The following PADI2 variants were observed in gnomAD, a reference collection of about 807,000 sequenced individuals.
PADI2 encodes peptidyl arginine deiminase 2.
In PADI2, 70 loss-of-function variants were observed where a neutral mutation model predicts 81.1. The observed-to-expected ratio is 0.86, with a 90% confidence interval of 0.71 to 1.05. The LOEUF (loss-of-function observed/expected upper bound fraction) is 1.05, where lower values mean the gene tolerates loss of function less well. PADI2 is among the 50% of genes least tolerant of loss of function. The probability of loss-of-function intolerance (pLI) is 0.00; values close to 1 mark genes in which losing one functional copy is unlikely to be tolerated. For synonymous variants in PADI2, 338 were observed against 358.0 expected, an observed-to-expected ratio of 0.94 and a Z score of 0.63; for missense variants, 853 against 889.9, an observed-to-expected ratio of 0.96 and a Z score of 0.53.
At chr1:17,104,750 T>A in intron 2 of PADI2, 128 bp downstream of exon 2, 2 of 800,016 alleles carry the variant, frequency 2.5e-6, no homozygotes, top group Non-Finnish European at 3.6e-6. Context: ...GCCTTTTCAA[T>A]GTGGTTACTG....
intron 1 of PADI2, among the ~76,000 whole-genome samples, chr1:17,111,368 T>TAC (rs1931574527): frequency 6.6e-6 from 1 of 152,154 alleles, no homozygotes; most frequent in Non-Finnish European, 1.5e-5. Context: ...GTGCTGGGAT[T>TAC]ACAGGTGTGA....
At chr1:17,098,011 C>A (rs535052916) in intron 3 of PADI2, among the ~76,000 whole-genome samples, 1 of 152,144 alleles carries the variant, frequency 6.6e-6, no homozygotes, top group Non-Finnish European at 1.5e-5. Context: ...TGTGTTCTCT[C>A]GGCCACTCCA....
At position 17,093,650 on chromosome 1, in the gene PADI2, GC is replaced by G. The variant is rs757678557; in HGVS notation, c.445del (p.Ala149ProfsTer5). ...SWTWGPEGQG[A>X]ILLVNCDRET... is the part of the protein sequence containing the mutation. ...TCGGTCACAGTTCACCAGCAGGATG[GC>G]CCCCTGGCCCTCGGGGCCCCAGGTC... On this transcript the variant is annotated frameshift_variant, in exon 5 of 16. Coordinates refer to ENST00000375486, the MANE Select transcript of PADI2 (RefSeq NM_007365.3). LOFTEE classifies it high-confidence loss of function. 9 of 1,613,702 alleles carry G rather than the reference GC, an allele frequency of 5.6e-6. No homozygotes were observed. The South Asian group carries it at 8.8e-5, about 16-fold the overall frequency.
intron 3 of PADI2, among the ~76,000 whole-genome samples, chr1:17,101,617 C>A (rs916511072): frequency 2.0e-5 from 3 of 152,148 alleles, no homozygotes; most frequent in Non-Finnish European, 2.9e-5. Context: ...GGACCAGCAA[C>A]CAAGCCCATT....
chr1:17,074,723 C>G, intron 13 of PADI2, 133 bp downstream of exon 13: 1 of 597,040 alleles, frequency 1.7e-6, no homozygotes, highest in South Asian at 2.0e-5. Context: ...CTCACAAACC[C>G]CCGATCGGGC....
At position 17,093,554 on chromosome 1, in the gene PADI2, G is replaced by T; in HGVS notation, c.529+13C>A. On this transcript the variant is annotated intron_variant, in intron 5 of 15. Transcript: ENST00000375486. ...CTCTCATCCTGCCCCCCAAGTGCAG[G>T]GCCTGCTGGCACCTTCCTTGCTGTA... 3 of 1,525,322 alleles carry T rather than the reference G, an allele frequency of 2.0e-6. No homozygotes were observed. Among genetic ancestry groups the T allele is most frequent in the Non-Finnish European group, 2.7e-6 (3 of 1,099,868 alleles). 94.5% of individuals were successfully genotyped at this position (1,525,322 alleles called of 1,614,324 possible).
chr1:17,118,931 A>G (rs1484964801), intron 1 of PADI2, among the ~76,000 whole-genome samples: 4 of 151,998 alleles, frequency 2.6e-5, no homozygotes, highest in African/African-American at 9.7e-5. Context: ...GCGGAGGGGA[A>G]GTGAAAGGGG....
At chr1:17,091,258 T>C (rs1331145172) in intron 6 of PADI2, among the ~76,000 whole-genome samples, 2 of 147,098 alleles carry the variant, frequency 1.4e-5, no homozygotes, top group African/African-American at 5.1e-5. Context: ...AGAGGTGGGT[T>C]CGGGGCTGGG....
At chr1:17,100,896 A>G (rs1931119394) in intron 3 of PADI2, among the ~76,000 whole-genome samples, 1 of 149,772 alleles carries the variant, frequency 6.7e-6, no homozygotes, top group Non-Finnish European at 1.5e-5. Context: ...TCCTGACCTC[A>G]TGATCTGCCC....
At chr1:17,114,967 G>C (rs764156653) in intron 1 of PADI2, among the ~76,000 whole-genome samples, 3 of 152,156 alleles carry the variant, frequency 2.0e-5, no homozygotes, top group Non-Finnish European at 4.4e-5. Context: ...ACTATGGGGA[G>C]GGGAGCCCAT....
In PADI2 at chr1:17,115,706, C is replaced by G. The variant is rs143992205; in HGVS notation, c.92+3574G>C. On this transcript the variant is annotated intron_variant, in intron 1 of 15. Coordinates refer to ENST00000375486, the MANE Select transcript of PADI2 (RefSeq NM_007365.3). This position sits in a 1 kb window ranked among gnomAD's most constrained non-coding sequence, Gnocchi z 4.1. ...AATCAGATGGGGACCCAGGCCAGCC[C>G]CACTGAAGAAGTGACTGTCGGCTAA... 2.0e-5 allele frequency among the ~76,000 whole-genome samples: 3 copies of G among 152,294 alleles called. No individual in the cohort carries two copies. Among genetic ancestry groups the G allele is most frequent in the African/African-American group, 7.2e-5 (3 of 41,558 alleles).
chr1:17,119,335 T>C lies in PADI2; in HGVS notation c.37A>G (p.Ser13Gly). The C allele has an allele frequency of 6.4e-7, 1 of 1,554,658 alleles. No individual in the cohort carries two copies. Among genetic ancestry groups the C allele is most frequent in the Non-Finnish European group, 8.7e-7 (1 of 1,150,596 alleles). Reference protein sequence around the residue: ...RERTVRLQYGSRVEAVYVLGT... With the variant: ...RERTVRLQYGGRVEAVYVLGT... Reference sequence around the variant, plus strand: ...AGCACGTACACCGCCTCCACGCGGCTCCCGTACTGCAGCCGCACGGTCCGC... The same window carrying C: ...AGCACGTACACCGCCTCCACGCGGCCCCCGTACTGCAGCCGCACGGTCCGC... The change falls in exon 1 of 16, where the codon AGC becomes GGC. Residue 13 changes from serine (S) to glycine (G), a missense_variant. Coordinates refer to ENST00000375486, the MANE Select transcript of PADI2 (RefSeq NM_007365.3). The surrounding 1 kb of genome is among the most constrained non-coding windows in gnomAD (Gnocchi z 4.8).
intron 8 of PADI2, 42 bp downstream of exon 8, chr1:17,084,557 C>T: frequency 7.6e-7 from 1 of 1,309,860 alleles, no homozygotes; most frequent in Non-Finnish European, 1.1e-6. Context: ...GGCCCTTGGC[C>T]ACTCTGCCAC....
At chr1:17,101,150 G>A (rs1015124902) in intron 3 of PADI2, among the ~76,000 whole-genome samples, 5 of 152,102 alleles carry the variant, frequency 3.3e-5, no homozygotes, top group African/African-American at 9.7e-5. Context: ...GTCACTTGTC[G>A]TGGGCACATG....
chr1:17,070,270 A>C (rs2078256407), intron 14 of PADI2, 54 bp from the exon 15 acceptor site: 1 of 1,600,236 alleles, frequency 6.2e-7, no homozygotes, highest in East Asian at 2.2e-5. Flanking sequence ...CACACCGGCC[A>C]CCTTGTCAAC....
chr1:17,111,980 C>A (rs2100213523), intron 1 of PADI2, among the ~76,000 whole-genome samples: 1 of 152,160 alleles, frequency 6.6e-6, no homozygotes, highest in East Asian at 1.9e-4. Context: ...GAGGAGCTGG[C>A]CTTCCTCTGA....
intron 9 of PADI2, 168 bp from the exon 10 acceptor site, chr1:17,082,820 T>C (rs1053365630): frequency 1.4e-5 from 8 of 569,684 alleles, no homozygotes; most frequent in South Asian, 2.1e-5. Context: ...GCAGCACAGG[T>C]GTCCATAGGC....
At position 17,067,848 on chromosome 1, in the gene PADI2, T is replaced by C. The variant is rs1021032262; in HGVS notation, c.*1196A>G. On this transcript the variant is annotated 3_prime_UTR_variant, in exon 16 of 16. Coordinates refer to ENST00000375486, the MANE Select transcript of PADI2 (RefSeq NM_007365.3). ...TTCTTCAAAATGGGATTATAATTCA[T>C]TTATTCTTCTGGCCCTAAAGGAACT... 4 of 152,398 alleles carry C rather than the reference T, an allele frequency of 2.6e-5. No individual in the cohort carries two copies. Among genetic ancestry groups the C allele is most frequent in the Admixed American group, 6.5e-5 (1 of 15,300 alleles). 9.4% of individuals were successfully genotyped at this position (152,398 alleles called of 1,614,324 possible).
At chr1:17,096,190 G>A (rs1471770890) in intron 3 of PADI2, among the ~76,000 whole-genome samples, 2 of 152,218 alleles carry the variant, frequency 1.3e-5, no homozygotes, top group Non-Finnish European at 2.9e-5. Context: ...GCTTACGGCT[G>A]CAAGAGCTGC....
Sources: gnomAD v4.1 joint callset for allele counts (sites outside exome capture counted in the v4.1 genomes callset) on GRCh38, gnomAD v4.1.1 for gene constraint, Gnocchi (gnomAD v3.1) non-coding constraint, MANE v1.5 for transcripts, NCBI Gene and HGNC (gene_info 2026-07-23, HGNC 2026-07-21) for gene names.